PTCH1: variants seen among roughly 807,000 people sequenced by gnomAD.
PTCH1 encodes protein patched homolog 1.
PTCH1 carries 14 observed loss-of-function variants against 144.6 expected under a neutral mutation model. The ratio of observed to expected loss-of-function variants is 0.10; its 90% CI spans 0.06 to 0.15. PTCH1 has a LOEUF of 0.15. Ranked by LOEUF, PTCH1 falls within the 10% of genes least tolerant of loss-of-function variation. PTCH1 has a pLI of 1.00. For synonymous variants in PTCH1, 833 were observed against 793.6 expected (o/e 1.05, Z -0.83); for missense variants, 1,623 against 1,948.3 (o/e 0.83, Z 3.14).
exon 1 of PTCH1, chr9:95,516,851 T>A (rs1290666068): frequency 6.4e-7 from 1 of 1,561,062 alleles, no homozygotes; most frequent in Non-Finnish European, 8.7e-7. Context: ...TGCCGCGCCA[T>A]AGGCAGGACC....
chr9:95,471,567 G>A (rs1157484989), intron 12 of PTCH1, among the ~76,000 whole-genome samples: 2 of 152,174 alleles, frequency 1.3e-5, no homozygotes, highest in Admixed American at 6.5e-5. Flanking sequence ...GAGACACAAA[G>A]ATAAATAAGA....
intron 3 of PTCH1, chr9:95,482,967 G>A (rs1196645094): frequency 6.6e-6 from 1 of 152,410 alleles, no homozygotes; most frequent in African/African-American, 2.4e-5. Flanking sequence ...AAAATTAGCT[G>A]GGCGCAGTGG....
chr9:95,493,460 T>A (rs1488091428), intron 2 of PTCH1, among the ~76,000 whole-genome samples: 1 of 152,218 alleles, frequency 6.6e-6, no homozygotes, highest in Non-Finnish European at 1.5e-5. Context: ...GCAGTCTCAA[T>A]ACAGAGCCTT....
intron 1 of PTCH1, among the ~76,000 whole-genome samples, chr9:95,515,427 T>G (rs1587709755): frequency 6.6e-6 from 1 of 152,286 alleles, no homozygotes; most frequent in South Asian, 2.1e-4. Context: ...GGTCTGTGGG[T>G]GTCTTCCACA....
chr9:95,484,544 C>T (rs372912954), intron 3 of PTCH1, among the ~76,000 whole-genome samples: 1 of 152,226 alleles, frequency 6.6e-6, no homozygotes, highest in African/African-American at 2.4e-5. Context: ...TTTGGTTCTC[C>T]CTGGCTGCTG....
At chr9:95,473,734 G>A (rs1012362370) in intron 12 of PTCH1, among the ~76,000 whole-genome samples, 1 of 151,374 alleles carries the variant, frequency 6.6e-6, no homozygotes, top group Admixed American at 6.6e-5. Context: ...AGTAGAGACG[G>A]GGTTTCACCA....
intron 2 of PTCH1, among the ~76,000 whole-genome samples, chr9:95,486,199 C>T (rs1841954191): frequency 1.3e-5 from 2 of 152,316 alleles, no homozygotes; most frequent in Middle Eastern, 3.4e-3. Context: ...GACCAAATAA[C>T]CCTGTTACAA....
At position 95,476,692 on chromosome 9, in the gene PTCH1, G is replaced by C; in HGVS notation, c.1602+67C>G. On this transcript the variant is annotated intron_variant, in intron 11 of 23. Transcript: ENST00000331920. The surrounding 1 kb of genome is among the most constrained non-coding windows in gnomAD (Gnocchi z 4.6). ...TGGGTCAGACTGAGGAAAATTAAAG[G>C]ACAAATACTTAGGAACAGAGGAAGC... 2.1e-6 allele frequency: 3 copies of C among 1,460,108 alleles called. No homozygotes were observed. Among genetic ancestry groups the C allele is most frequent in the South Asian group, 1.2e-5 (1 of 83,230 alleles). The allele number at this position is 1,460,108 out of a possible 1,614,324, so 90.4% of individuals were successfully genotyped here.
At position 95,508,688 on chromosome 9, in the gene PTCH1, A is replaced by C. The variant is rs1843956249; in HGVS notation, c.-327T>G. On this transcript the variant is annotated 5_prime_UTR_variant, in exon 1 of 24. Coordinates refer to ENST00000331920, the MANE Select transcript of PTCH1 (RefSeq NM_000264.5). ...CGGAAGAGCGAGAGCCGGCGCGCCG[A>C]GCGAGCCTGTCCTTCGGGCGCTTCC... 1 of 986,608 alleles carries C rather than the reference A, an allele frequency of 1.0e-6. No individual in the cohort carries two copies. Among genetic ancestry groups the C allele is most frequent in the South Asian group, 4.7e-5 (1 of 21,268 alleles). 61.1% of individuals were successfully genotyped at this position (986,608 alleles called of 1,614,324 possible).
upstream of PTCH1, among the ~76,000 whole-genome samples, chr9:95,513,729 G>C (rs956338741): frequency 2.0e-5 from 3 of 152,110 alleles, no homozygotes; most frequent in African/African-American, 7.2e-5. Flanking sequence ...GGGACGGGGT[G>C]GGGGGAGATT....
chr9:95,452,568 C>T (rs941290663), intron 20 of PTCH1: 1 of 152,154 alleles, frequency 6.6e-6, no homozygotes, highest in African/African-American at 2.4e-5. Flanking sequence ...CTGCAGTTCT[C>T]AAATTCTTTT....
intron 15 of PTCH1, among the ~76,000 whole-genome samples, chr9:95,464,438 T>A (rs149889718): frequency 1.8e-4 from 27 of 152,338 alleles, no homozygotes; most frequent in African/African-American, 6.0e-4. Flanking sequence ...ATATTTTGTG[T>A]CAATAATTAT....
chr9:95,478,292 T>C, intron 8 of PTCH1, 106 bp from the exon 9 acceptor site: 1 of 1,542,752 alleles, frequency 6.5e-7, no homozygotes, highest in Non-Finnish European at 8.9e-7. Flanking sequence ...TTTTTTCTGA[T>C]GCATTTTTTA....
At chr9:95,486,839 G>C (rs1365334762) in intron 2 of PTCH1, among the ~76,000 whole-genome samples, 1 of 152,220 alleles carries the variant, frequency 6.6e-6, no homozygotes, top group African/African-American at 2.4e-5. Flanking sequence ...GGTGTCTCAG[G>C]GAGATACTAA....
chr9:95,516,525 G>T, exon 1 of PTCH1: 2 of 1,542,008 alleles, frequency 1.3e-6, no homozygotes, highest in Non-Finnish European at 1.7e-6. Context: ...CGGACGCTGG[G>T]CTTGGATTTC....
intron 13 of PTCH1, 126 bp downstream of exon 13, chr9:95,469,687 C>T (rs1030487530): frequency 3.1e-6 from 3 of 969,372 alleles, no homozygotes; most frequent in Non-Finnish European, 5.0e-6. Context: ...CAATCTCTCC[C>T]CTACGTTCTC....
Position 95,467,553 on chromosome 9 carries a change from G to A in PTCH1, c.2251-128C>T, listed in dbSNP as rs1840128970. 1.2e-5 allele frequency: 11 copies of A among 903,210 alleles called. No homozygotes were observed. The East Asian group carries it at 2.9e-4, about 24-fold the overall frequency. 55.9% of individuals were successfully genotyped at this position (903,210 alleles called of 1,614,324 possible). ...TAAACTGATTTATCTTGTAGGGGTT[G>A]TTCTCCCATAGGAAAAAGGATAAAA... On this transcript the variant is annotated intron_variant, in intron 14 of 23. Coordinates refer to ENST00000331920, the MANE Select transcript of PTCH1 (RefSeq NM_000264.5).
chr9:95,462,025 A>C (rs778803517), intron 15 of PTCH1, 27 bp from the exon 16 acceptor site: 1 of 1,614,002 alleles, frequency 6.2e-7, no homozygotes, highest in African/African-American at 1.3e-5. Flanking sequence ...ATTGTAACAC[A>C]TTATAACTCG....
Position 95,475,965 on chromosome 9 carries a change from G to A in PTCH1, c.1728+69C>T, listed in dbSNP as rs139510380. 2.7e-5 allele frequency: 43 copies of A among 1,607,378 alleles called. No homozygotes were observed. In the East Asian group the frequency reaches 4.2e-4, roughly 16 times the overall value. On this transcript the variant is annotated intron_variant, in intron 12 of 23. Transcript: ENST00000331920. ...TAACTGAAGTGCCTTAGCAGAGACC[G>A]CAGACATGGGATGCTGGAAGTCAGT...
Sources: gnomAD v4.1 joint callset for allele counts (sites outside exome capture counted in the v4.1 genomes callset) on GRCh38, gnomAD v4.1.1 for gene constraint, Gnocchi (gnomAD v3.1) non-coding constraint, MANE v1.5 for transcripts, NCBI Gene and HGNC (gene_info 2026-07-23, HGNC 2026-07-21) for gene names.